NREP: variants seen among roughly 807,000 people sequenced by gnomAD.
The protein encoded by NREP is neuronal regeneration related protein, also known as neuronal regeneration-related protein.
NREP carries 5 observed loss-of-function variants against 8.6 expected under a neutral mutation model. The ratio of observed to expected loss-of-function variants is 0.58; its 90% CI spans 0.30 to 1.22. The LOEUF (loss-of-function observed/expected upper bound fraction) is 1.22. Ranked by LOEUF, NREP falls within the 50% of genes most tolerant of loss-of-function variation. The pLI is 0.07. For synonymous variants in NREP, 27 were observed against 28.0 expected (o/e 0.96, Z 0.11); for missense variants, 86 against 82.5 (o/e 1.04, Z -0.17).
intron 2 of NREP, among the ~76,000 whole-genome samples, chr5:111,963,872 T>C (rs959624949): frequency 1.3e-5 from 2 of 152,220 alleles, no homozygotes; most frequent in African/African-American, 4.8e-5. Context: ...CCACTTCTTT[T>C]TCTACCACTC....
chr5:111,970,176 C>T (rs1385310747), intron 2 of NREP, among the ~76,000 whole-genome samples: 1 of 152,114 alleles, frequency 6.6e-6, no homozygotes, highest in African/African-American at 2.4e-5. Context: ...AAAAGCCTGA[C>T]AATCGATTGT....
chr5:111,741,630 A>C (rs73787366), intron 2 of NREP, among the ~76,000 whole-genome samples: 11,628 of 152,228 alleles, frequency 0.076, 1,032 homozygotes, highest in African/African-American at 0.22. Flanking sequence ...CTTGGAGAAG[A>C]AGCACACAGT....
At chr5:111,830,447 C>G (rs1369862982) in intron 2 of NREP, among the ~76,000 whole-genome samples, 1 of 152,184 alleles carries the variant, frequency 6.6e-6, no homozygotes, top group Non-Finnish European at 1.5e-5. Context: ...TGTGGCTTTC[C>G]TGAGGAATCA....
At chr5:111,797,911 A>T (rs771113982) in intron 2 of NREP, among the ~76,000 whole-genome samples, 4 of 152,338 alleles carry the variant, frequency 2.6e-5, no homozygotes, top group South Asian at 4.1e-4. Context: ...GAGAACAAAG[A>T]AATGTATAAA....
intron 2 of NREP, among the ~76,000 whole-genome samples, chr5:111,826,082 G>A (rs1028517943): frequency 1.3e-5 from 2 of 151,916 alleles, no homozygotes; most frequent in East Asian, 1.9e-4. Context: ...GTCTCCCAGT[G>A]AGAGGTGAAG....
At chr5:111,846,420 C>CTTTTTTCTTTTTTTT (rs1753169765) in intron 2 of NREP, 1 of 44,414 alleles carries the variant, frequency 2.3e-5, no homozygotes, top group African/African-American at 8.5e-5. Context: ...TTTTTGTTTG[C>CTTTTTTCTTTTTTTT]TTTTTTTTTT....
At chr5:111,941,824 A>T (rs1435185220) in intron 2 of NREP, among the ~76,000 whole-genome samples, 2 of 152,114 alleles carry the variant, frequency 1.3e-5, no homozygotes, top group East Asian at 3.9e-4. Flanking sequence ...AAAGGAATGT[A>T]AATCTACATT....
intron 3 of NREP, 188 bp downstream of exon 3, chr5:111,735,242 G>A (rs1331429290): frequency 1.6e-5 from 7 of 449,744 alleles, no homozygotes; most frequent in Non-Finnish European, 2.0e-5. Flanking sequence ...AAGATAATGT[G>A]AACTTTAAGT....
At chr5:111,972,208 T>A (rs1190815490) in intron 2 of NREP, among the ~76,000 whole-genome samples, 6 of 152,100 alleles carry the variant, frequency 3.9e-5, no homozygotes, top group African/African-American at 1.2e-4. Context: ...CCTGTTAGAA[T>A]GGTTTTAATA....
chr5:111,835,817 A>C (rs1185305943), intron 2 of NREP, among the ~76,000 whole-genome samples: 1 of 152,142 alleles, frequency 6.6e-6, no homozygotes, highest in African/African-American at 2.4e-5. Context: ...ATTGCTGTAT[A>C]AAGTTCATAG....
intron 2 of NREP, among the ~76,000 whole-genome samples, chr5:111,747,753 T>C (rs542869452): frequency 1.3e-5 from 2 of 152,102 alleles, no homozygotes; most frequent in African/African-American, 4.8e-5. Context: ...TCCTTCTCCT[T>C]CTTGAATATA....
chr5:111,789,138 T>C (rs1056781510), intron 2 of NREP, among the ~76,000 whole-genome samples: 6 of 152,224 alleles, frequency 3.9e-5, no homozygotes, highest in Non-Finnish European at 8.8e-5. Flanking sequence ...TATACACATA[T>C]GTGTGTGTTC....
At chr5:111,883,796 C>T (rs1754153386) in intron 2 of NREP, among the ~76,000 whole-genome samples, 1 of 151,946 alleles carries the variant, frequency 6.6e-6, no homozygotes, top group Non-Finnish European at 1.5e-5. Context: ...ACACAACATA[C>T]CAGAATCTCT....
intron 2 of NREP, among the ~76,000 whole-genome samples, chr5:111,862,467 A>G (rs1172369015): frequency 6.6e-6 from 1 of 152,120 alleles, no homozygotes; most frequent in African/African-American, 2.4e-5. Flanking sequence ...TGAGACCTAC[A>G]GGACACAGAG....
chr5:111,958,712 A>C (rs934554491), intron 2 of NREP, among the ~76,000 whole-genome samples: 4 of 152,014 alleles, frequency 2.6e-5, no homozygotes, highest in Non-Finnish European at 5.9e-5. Flanking sequence ...TTTAAAAAAA[A>C]TTCTCTAAAT....
chr5:111,772,904 G>T (rs1751268412), intron 2 of NREP, among the ~76,000 whole-genome samples: 1 of 152,074 alleles, frequency 6.6e-6, no homozygotes, highest in African/African-American at 2.4e-5. Flanking sequence ...GTTACTAATG[G>T]TTACTGCTGC....
At chr5:111,852,417 C>T (rs1753333479) in intron 2 of NREP, among the ~76,000 whole-genome samples, 1 of 152,176 alleles carries the variant, frequency 6.6e-6, no homozygotes. Context: ...GTCTCAAATA[C>T]TGGCACAGCC....
chr5:111,900,024 T>C (rs780584646), intron 2 of NREP, among the ~76,000 whole-genome samples: 21 of 152,256 alleles, frequency 1.4e-4, no homozygotes, highest in Non-Finnish European at 2.5e-4. Flanking sequence ...GAGCATTCTG[T>C]AGGATAGACC....
chr5:111,772,791 T>C (rs1353818260), intron 2 of NREP, among the ~76,000 whole-genome samples: 1 of 152,212 alleles, frequency 6.6e-6, no homozygotes, highest in Non-Finnish European at 1.5e-5. Context: ...GAAGTGTATC[T>C]TTTCATTAAT....
Sources: allele counts gnomAD v4.1 joint callset (sites outside exome capture counted in the v4.1 genomes callset), GRCh38; gene constraint gnomAD v4.1.1; transcripts MANE v1.5; gene names NCBI Gene and HGNC (gene_info 2026-07-23, HGNC 2026-07-21).